Variants in ATL3 observed in about 807,000 individuals in gnomAD.
The protein encoded by ATL3 is atlastin-3.
In ATL3, 49 loss-of-function variants were observed where a neutral mutation model predicts 69.5. That is an observed-to-expected ratio of 0.71 (90% confidence interval 0.56 to 0.89). The LOEUF (loss-of-function observed/expected upper bound fraction) is 0.89. Ranked by LOEUF, ATL3 falls within the 40% of genes least tolerant of loss-of-function variation. The pLI, the probability that ATL3 is intolerant of heterozygous loss-of-function variation, is 0.00. For missense variants in ATL3, 606 were observed against 645.7 expected (o/e 0.94, Z 0.67); for synonymous variants, 214 against 224.1 (o/e 0.95, Z 0.40).
chr11:63,650,934 C>T lies in ATL3; in HGVS notation c.561+1002G>A, dbSNP rs192139262. 5.3e-4 allele frequency among the ~76,000 whole-genome samples: 81 copies of T among 152,170 alleles called. No homozygotes were observed. The Middle Eastern group carries it at 0.017, about 32-fold the overall frequency. ...AATTGCCATAAGCAACATTAAGGAT[C>T]GAGGTTTAGGAGGAATTTTCCTTGT... On this transcript the variant is annotated intron_variant, in intron 5 of 12. Coordinates refer to ENST00000398868, the MANE Select transcript of ATL3 (RefSeq NM_015459.5).
At chr11:63,629,699 T>A (rs907724194) in intron 12 of ATL3, among the ~76,000 whole-genome samples, 1 of 152,176 alleles carries the variant, frequency 6.6e-6, no homozygotes, top group Admixed American at 6.6e-5. Flanking sequence ...CTCAAAGATC[T>A]ACAAAACTTG....
At chr11:63,654,687 C>G (rs995334195) in intron 3 of ATL3, among the ~76,000 whole-genome samples, 3 of 150,302 alleles carry the variant, frequency 2.0e-5, no homozygotes, top group Non-Finnish European at 4.4e-5. Flanking sequence ...CCTAAGCCAC[C>G]ATGTCTGGCC....
In ATL3 at chr11:63,638,811, A is replaced by T. The variant is rs962223702; in HGVS notation, c.851-2477T>A. Among the ~76,000 whole-genome samples, 6 of 152,100 alleles carry T rather than the reference A, an allele frequency of 3.9e-5. No individual in the cohort carries two copies. In the East Asian group the frequency reaches 1.2e-3, roughly 29 times the overall value. On this transcript the variant is annotated intron_variant, in intron 8 of 12. Coordinates refer to ENST00000398868, the MANE Select transcript of ATL3 (RefSeq NM_015459.5). The stretch of plus-strand genomic sequence containing the variant: ...CATCAGTTATACCAAAACTAAGATC[A>T]TGTTTGGCAGGCATCTACCTCTAAA...
intron 5 of ATL3, among the ~76,000 whole-genome samples, chr11:63,650,291 T>C (rs564167918): frequency 2.6e-5 from 4 of 152,356 alleles, no homozygotes; most frequent in South Asian, 4.1e-4. Flanking sequence ...AAATCTTTTA[T>C]ATGCCTCATA....
At chr11:63,652,382 TTC>T (rs1313125457) in intron 4 of ATL3, 87 bp downstream of exon 4, 1 of 811,394 alleles carries the variant, frequency 1.2e-6, no homozygotes, top group Non-Finnish European at 1.9e-6. Flanking sequence ...ATCCTAGAAA[TTC>T]TGTTAACAGA....
intron 5 of ATL3, among the ~76,000 whole-genome samples, chr11:63,648,826 AAAAC>A (rs1352740253): frequency 6.6e-6 from 1 of 151,342 alleles, no homozygotes; most frequent in Non-Finnish European, 1.5e-5. Context: ...AAAAAGCAAA[AAAAC>A]AAAAAGGCCA....
At chr11:63,648,822 C>CA (rs1939975673) in intron 5 of ATL3, among the ~76,000 whole-genome samples, 1 of 145,380 alleles carries the variant, frequency 6.9e-6, no homozygotes, top group South Asian at 2.2e-4. Flanking sequence ...AAAAAAAAAG[C>CA]AAAAAAACAA....
At position 63,660,038 on chromosome 11, in the gene ATL3, A is replaced by T. The variant is rs183657131; in HGVS notation, c.47-786T>A. 5.1e-4 allele frequency among the ~76,000 whole-genome samples: 78 copies of T among 151,580 alleles called. 1 individual carries two copies. The East Asian group carries it at 0.01, about 20-fold the overall frequency. ...AAAACTTAAAGTATAATAATAATAAAAAATAAATAAAATAAAATGTTGTTA... is the reference window on the plus strand; with the variant it reads ...AAAACTTAAAGTATAATAATAATAATAAATAAATAAAATAAAATGTTGTTA... On this transcript the variant is annotated intron_variant, in intron 1 of 12. Coordinates refer to ENST00000398868, the MANE Select transcript of ATL3 (RefSeq NM_015459.5).
chr11:63,663,329 C>A (rs1940477879), intron 1 of ATL3, among the ~76,000 whole-genome samples: 1 of 151,998 alleles, frequency 6.6e-6, no homozygotes, highest in African/African-American at 2.4e-5. Context: ...TTATGTGGCC[C>A]ACATTAGTCT....
At position 63,645,540 on chromosome 11, in the gene ATL3, CAGAG is replaced by C. The variant is rs113638692; in HGVS notation, c.618+963_618+966del. 4.9e-4 allele frequency among the ~76,000 whole-genome samples: 73 copies of C among 150,414 alleles called. 2 individuals are homozygous for C. Among genetic ancestry groups the C allele is most frequent in the Admixed American group, 1.1e-3 (16 of 15,150 alleles). ...GGCATAGGTCAGCAAAGACTTTTTGCAGAGAGAGAGAGAGAGAGAGAGACAGAGA... is the reference window on the plus strand; with the variant it reads ...GGCATAGGTCAGCAAAGACTTTTTGCAGAGAGAGAGAGAGAGAGACAGAGA... On this transcript the variant is annotated intron_variant, in intron 6 of 12. Transcript: ENST00000398868.
chr11:63,641,470 A>G (rs535571388), intron 8 of ATL3, among the ~76,000 whole-genome samples: 26 of 152,330 alleles, frequency 1.7e-4, no homozygotes, highest in Non-Finnish European at 3.2e-4. Context: ...CCTAAATCCA[A>G]AGACTGGTGT....
intron 9 of ATL3, 57 bp from the exon 10 acceptor site, chr11:63,635,647 T>C (rs934737096): frequency 1.5e-6 from 2 of 1,355,480 alleles, no homozygotes; most frequent in African/African-American, 3.0e-5. Flanking sequence ...ATCTTACTCA[T>C]ATTTAATTTT....
At chr11:63,660,607 A>G (rs1461340200) in intron 1 of ATL3, among the ~76,000 whole-genome samples, 1 of 152,210 alleles carries the variant, frequency 6.6e-6, no homozygotes. Context: ...CAAAAAACAT[A>G]TATACAAGAA....
chr11:63,633,717 C>CAAAAAA (rs755308089), intron 10 of ATL3, among the ~76,000 whole-genome samples: 1 of 41,270 alleles, frequency 2.4e-5, no homozygotes. Flanking sequence ...AGATGTGAGT[C>CAAAAAA]AAAAAAAAAA....
rs547392209 is a variant in ATL3 at position 63,643,263 on chromosome 11, C to T, written c.850+94G>A. The T allele has an allele frequency of 1.3e-5, 18 of 1,334,708 alleles. No homozygotes were observed. The South Asian group carries it at 2.3e-4, about 17-fold the overall frequency. 82.7% of individuals were successfully genotyped at this position (1,334,708 alleles called of 1,614,324 possible). ...TACTACTCTTTCTAAGAGAGCATAC[C>T]ATTTTTCTTAAGCATTCACTTGATT... On this transcript the variant is annotated intron_variant, in intron 8 of 12. Transcript: ENST00000398868.
At chr11:63,644,107 A>C in intron 7 of ATL3, 62 bp downstream of exon 7, 1 of 1,141,698 alleles carries the variant, frequency 8.8e-7, no homozygotes, top group Non-Finnish European at 1.3e-6. Context: ...AATAGCCAAA[A>C]GCAAATGAGA....
In ATL3 at chr11:63,624,443, A is replaced by G. The variant is rs980881704; in HGVS notation, c.*4876T>C. On this transcript the variant is annotated 3_prime_UTR_variant, in exon 13 of 13. Coordinates refer to ENST00000398868, the MANE Select transcript of ATL3 (RefSeq NM_015459.5). ...GCACACGAAATTTGCCCCAAAGAAAAATGTCTTTCAAAGCCCTTCTGTCCC... is the reference window on the plus strand; with the variant it reads ...GCACACGAAATTTGCCCCAAAGAAAGATGTCTTTCAAAGCCCTTCTGTCCC... 1.3e-5 allele frequency: 2 copies of G among 152,150 alleles called. No individual in the cohort carries two copies. Among genetic ancestry groups the G allele is most frequent in the African/African-American group, 4.8e-5 (2 of 41,444 alleles). 9.4% of individuals were successfully genotyped at this position (152,150 alleles called of 1,614,324 possible).
intron 8 of ATL3, among the ~76,000 whole-genome samples, chr11:63,640,338 AGT>A (rs1327564102): frequency 1.3e-5 from 2 of 151,748 alleles, no homozygotes; most frequent in African/African-American, 4.9e-5. Flanking sequence ...CCCAGGCTAG[AGT>A]GCGGTGGTGC....
At chr11:63,658,328 T>A (rs1940321154) in intron 3 of ATL3, among the ~76,000 whole-genome samples, 1 of 152,208 alleles carries the variant, frequency 6.6e-6, no homozygotes, top group South Asian at 2.1e-4. Flanking sequence ...GTATCCTGAA[T>A]TATTCAAGGA....
Sources: gnomAD v4.1 joint callset for allele counts (sites outside exome capture counted in the v4.1 genomes callset) on GRCh38, gnomAD v4.1.1 for gene constraint, MANE v1.5 for transcripts, NCBI Gene and HGNC (gene_info 2026-07-23, HGNC 2026-07-21) for gene names.